The following ARSG variants were observed in gnomAD, a reference collection of about 807,000 sequenced individuals.
ARSG encodes the protein ASG.
In ARSG, 37 loss-of-function variants were observed where a neutral mutation model predicts 50.5. The observed-to-expected ratio is 0.73, with a 90% CI of 0.56 to 0.96. The LOEUF is 0.96. Among genes scored for constraint, ARSG ranks in the 50% least tolerant of loss-of-function variants. The probability of loss-of-function intolerance (pLI) is 0.00; values close to 1 mark genes in which losing one functional copy is unlikely to be tolerated. For synonymous variants in ARSG, 225 were observed against 254.6 expected (o/e 0.88, Z 1.11); for missense variants, 629 against 675.3 (o/e 0.93, Z 0.76).
At chr17:68,370,167 A>G (rs1265694451) in intron 7 of ARSG, among the ~76,000 whole-genome samples, 1 of 152,024 alleles carries the variant, frequency 6.6e-6, no homozygotes, top group Non-Finnish European at 1.5e-5. Flanking sequence ...GGTGCCCACC[A>G]CCATGCCCGG....
chr17:68,262,773 A>C (rs1252927070), intron 1 of ARSG, among the ~76,000 whole-genome samples: 2 of 152,106 alleles, frequency 1.3e-5, no homozygotes, highest in African/African-American at 4.8e-5. Context: ...TTTAGAAAGG[A>C]GAGCCGATTG....
chr17:68,277,271 C>T (rs1286091103), intron 1 of ARSG, among the ~76,000 whole-genome samples: 1 of 151,904 alleles, frequency 6.6e-6, no homozygotes, highest in Non-Finnish European at 1.5e-5. Flanking sequence ...GCTGGGATTA[C>T]AGGCACATAC....
intron 8 of ARSG, among the ~76,000 whole-genome samples, chr17:68,373,953 C>T (rs561682960): frequency 4.3e-4 from 65 of 151,782 alleles, no homozygotes; most frequent in Admixed American, 1.2e-3. Flanking sequence ...GTCAGGAGAT[C>T]GAGACCATCC....
intron 2 of ARSG, among the ~76,000 whole-genome samples, chr17:68,342,323 T>G (rs945708576): frequency 1.3e-5 from 2 of 151,082 alleles, no homozygotes; most frequent in African/African-American, 4.9e-5. Context: ...CCTTATTTTA[T>G]GTACATATAT....
chr17:68,313,677 C>CT (rs1244560276), intron 2 of ARSG, among the ~76,000 whole-genome samples: 3 of 44,714 alleles, frequency 6.7e-5, no homozygotes, highest in African/African-American at 2.5e-4. Context: ...GTATCTCTCT[C>CT]TCTCTCTTTT....
At chr17:68,354,121 G>C (rs1483037752) in intron 5 of ARSG, among the ~76,000 whole-genome samples, 1 of 137,554 alleles carries the variant, frequency 7.3e-6, no homozygotes, top group Non-Finnish European at 1.5e-5. Context: ...TTTAATCTAT[G>C]TTAAAAATCC....
intron 5 of ARSG, among the ~76,000 whole-genome samples, chr17:68,355,008 A>G (rs569576334): frequency 2.6e-5 from 4 of 152,326 alleles, no homozygotes; most frequent in African/African-American, 9.6e-5. Context: ...TCCCAGCACT[A>G]TTAGGATGAC....
intron 1 of ARSG, among the ~76,000 whole-genome samples, chr17:68,260,696 A>G (rs1264716790): frequency 2.0e-5 from 3 of 151,830 alleles, no homozygotes; most frequent in Non-Finnish European, 4.4e-5. Flanking sequence ...TTTTTTCCAC[A>G]TTGTCCAGGC....
In ARSG at chr17:68,420,544, CA is replaced by C. The variant is rs1555796421; in HGVS notation, c.*84del. On this transcript the variant is annotated 3_prime_UTR_variant, in exon 12 of 12. Transcript: ENST00000621439. ...CCAAATTTCATTTTTACCCTCTTTA[CA>C]AACACACGCTTTAGTTTAGTCTTGG... is the stretch of plus-strand genomic sequence containing the variant. 7 of 1,458,182 alleles carry C rather than the reference CA, an allele frequency of 4.8e-6. No homozygotes were observed. The highest frequency in any genetic ancestry group is 3.8e-6 in the Non-Finnish European group (4 of 1,057,880). The allele number at this position is 1,458,182 out of a possible 1,614,324, so 90.3% of individuals were successfully genotyped here.
At chr17:68,331,487 G>A (rs926507512) in intron 2 of ARSG, among the ~76,000 whole-genome samples, 5 of 152,014 alleles carry the variant, frequency 3.3e-5, no homozygotes, top group African/African-American at 9.7e-5. Context: ...CTCATGATCT[G>A]CCCGCCTTGG....
intron 11 of ARSG, chr17:68,413,679 A>G (rs575079286): frequency 6.3e-6 from 1 of 157,780 alleles, no homozygotes; most frequent in South Asian, 2.0e-4. Context: ...TTACCTAATC[A>G]AGCCTGGGCA....
the ARSG span, among the ~76,000 whole-genome samples, chr17:68,439,388 AT>A: frequency 6.6e-6 from 1 of 152,196 alleles, no homozygotes; most frequent in East Asian, 1.9e-4. Flanking sequence ...AGGAACCGAT[AT>A]TGTATGAGTC....
In ARSG at chr17:68,347,165, C is replaced by T. The variant is rs966139493; in HGVS notation, c.447C>T (p.Asn149=). 7 of 1,613,846 alleles carry T rather than the reference C, an allele frequency of 4.3e-6. No homozygotes were observed. The highest frequency in any genetic ancestry group is 1.3e-5 in the African/African-American group (1 of 74,932). The part of the protein sequence containing the change: ...HLGHHGSYHP[N]FRGFDYYFGI... ...GACACCACGGCTCTTATCACCCCAA[C>T]TTCCGTGGTAAGAATTCTTTTGGGG... Residue 149 remains asparagine, a synonymous_variant, in exon 4 of 12, where the codon AAC becomes AAT. Transcript: ENST00000621439.
chr17:68,263,585 T>G lies in ARSG; in HGVS notation c.-552+4159T>G, dbSNP rs560679368. 1.4e-3 allele frequency among the ~76,000 whole-genome samples: 219 copies of G among 152,314 alleles called. 4 individuals carry two copies. The highest frequency in any genetic ancestry group is 0.014 in the Middle Eastern group (4 of 294). On this transcript the variant is annotated intron_variant, in intron 1 of 11. Coordinates refer to the ARSG transcript ENST00000448504. ...TCTGGGCTCAAGTGCTCTTTCTACC[T>G]CAGCCTCCTGAGTAGCTGGGACCAC...
At chr17:68,322,170 T>G (rs532998641) in intron 2 of ARSG, among the ~76,000 whole-genome samples, 1 of 152,324 alleles carries the variant, frequency 6.6e-6, no homozygotes, top group South Asian at 2.1e-4. Flanking sequence ...TTTTTTCCAA[T>G]CAAACCACCT....
intron 1 of ARSG, among the ~76,000 whole-genome samples, chr17:68,297,718 C>T (rs1555758875): frequency 6.6e-6 from 1 of 152,188 alleles, no homozygotes; most frequent in South Asian, 2.1e-4. Context: ...CCTCCTGTCT[C>T]GGCATCCCAG....
chr17:68,274,016 A>C, intron 1 of ARSG: 1 of 1,614,152 alleles, frequency 6.2e-7, no homozygotes, highest in Non-Finnish European at 8.5e-7. Context: ...TAGCCCCCCC[A>C]ACATCACTAC....
At position 68,368,831 on chromosome 17, in the gene ARSG, A is replaced by T. The variant is rs2079680587; in HGVS notation, c.901+87A>T. ...GTGAAGAGCAGAGTCTGGCCCCGTG[A>T]TCCCCTTTCATAGGTCAGGAGGCTT... On this transcript the variant is annotated intron_variant, in intron 7 of 11. Coordinates refer to ENST00000621439, the MANE Select transcript of ARSG (RefSeq NM_001267727.2). The T allele has an allele frequency of 2.8e-6, 4 of 1,419,504 alleles. No individual in the cohort carries two copies. In the East Asian group the frequency reaches 9.3e-5, roughly 33 times the overall value. 87.9% of individuals were successfully genotyped at this position (1,419,504 alleles called of 1,614,324 possible).
chr17:68,385,351 T>A (rs2080659700), intron 9 of ARSG, among the ~76,000 whole-genome samples, 179 bp downstream of exon 9: 1 of 151,740 alleles, frequency 6.6e-6, no homozygotes, highest in African/African-American at 2.4e-5. Flanking sequence ...AGACTCTGAC[T>A]GTAGAAGTGA....
Sources: gnomAD v4.1 joint callset for allele counts (sites outside exome capture counted in the v4.1 genomes callset) on GRCh38, gnomAD v4.1.1 for gene constraint, MANE v1.5 for transcripts, NCBI Gene and HGNC (gene_info 2026-07-23, HGNC 2026-07-21) for gene names.